Variants in NRK observed in about 807,000 individuals in gnomAD.
NRK encodes the protein nik-related protein kinase.
In NRK, 67 loss-of-function variants were observed where a neutral mutation model predicts 125.2. The observed-to-expected ratio is 0.54, with a 90% CI of 0.44 to 0.66. NRK has a LOEUF of 0.66. NRK is among the 30% of genes least tolerant of loss of function. The pLI is 0.00. For missense variants in NRK, 1,224 were observed against 1,192.9 expected, an observed-to-expected ratio of 1.03 and a Z score of -0.38; for synonymous variants, 458 against 429.0, an observed-to-expected ratio of 1.07 and a Z score of -0.84.
chrX:105,938,424 G>C (rs1341014787), intron 22 of NRK, among the ~76,000 whole-genome samples: 2 of 111,816 alleles, frequency 1.8e-5, no homozygotes, highest in East Asian at 5.6e-4. Flanking sequence ...TTTGGTTAGA[G>C]GAGAAATCCC....
intron 4 of NRK, among the ~76,000 whole-genome samples, chrX:105,885,038 G>T (rs1227767572): frequency 8.9e-6 from 1 of 111,924 alleles, no homozygotes; most frequent in African/African-American, 3.2e-5. Flanking sequence ...TGATCCACCT[G>T]CCTTAGCCTC....
chrX:105,872,768 A>G (rs2039763804), intron 2 of NRK, among the ~76,000 whole-genome samples: 1 of 111,703 alleles, frequency 9.0e-6, no homozygotes, highest in African/African-American at 3.2e-5. Flanking sequence ...TTGCTTAGAG[A>G]CATTGATAAG....
intron 28 of NRK, among the ~76,000 whole-genome samples, chrX:105,954,512 A>C (rs1286650389): frequency 9.1e-6 from 1 of 110,257 alleles, no homozygotes; most frequent in African/African-American, 3.3e-5. Context: ...AATAATATTA[A>C]ATATTTTTAA....
intron 22 of NRK, among the ~76,000 whole-genome samples, chrX:105,939,012 A>T (rs762873288): frequency 0.01 from 1,134 of 111,529 alleles, 20 homozygotes; most frequent in African/African-American, 0.035. Context: ...GCATGAAAGT[A>T]ACTGCCCCAT....
chrX:105,908,915 CA>C lies in NRK; in HGVS notation c.1275del (p.Pro426LeufsTer4), dbSNP rs763132781. On this transcript the variant is annotated frameshift_variant, in exon 13 of 29. Coordinates refer to ENST00000243300, the MANE Select transcript of NRK (RefSeq NM_198465.4). LOFTEE classifies it high-confidence loss of function. ...ATGCCACTGCAGGCTCTGGACAGTG[CA>C]CCTAAGCCTCTAAAGGGGCAGGCTC... Reference protein sequence around the residue: ...VFMPLQALDSAPKPLKGQAQA... With the variant: ...VFMPLQALDSXPKPLKGQAQA... The C allele has an allele frequency of 3.3e-6, 4 of 1,208,729 alleles. No homozygotes were observed.
At chrX:105,827,651 CT>C (rs1357046375) in intron 1 of NRK, among the ~76,000 whole-genome samples, 1 of 112,009 alleles carries the variant, frequency 8.9e-6, no homozygotes, top group Non-Finnish European at 1.9e-5. Flanking sequence ...CAGACTAGGA[CT>C]TTTAAACTGC....
chrX:105,944,030 A>G lies in NRK; in HGVS notation c.4048A>G (p.Thr1350Ala), dbSNP rs749548550. Residue 1350 changes from threonine to alanine, a missense_variant, in exon 24 of 29, where the codon ACT becomes GCT. Coordinates refer to ENST00000243300, the MANE Select transcript of NRK (RefSeq NM_198465.4). ...AWAPKSFDES[T>A]AIKVCIDQSA... ...GGCACCAAAGTCCTTTGATGAAAGC[A>G]CTGCTATTAAAGTGAGTGAGCTCCT... 2 of 1,100,566 alleles carry G rather than the reference A, an allele frequency of 1.8e-6. No individual in the cohort carries two copies. Among genetic ancestry groups the G allele is most frequent in the South Asian group, 4.0e-5 (2 of 50,298 alleles). The allele number at this position is 1,100,566 out of a possible 1,213,427, so 90.7% of individuals were successfully genotyped here. A position where few individuals can be genotyped will look rare whatever the true frequency, so the allele number is the denominator to read the frequency against.
chrX:105,892,034 CAGTT>C (rs746391867), intron 5 of NRK, among the ~76,000 whole-genome samples: 1 of 111,490 alleles, frequency 9.0e-6, no homozygotes, highest in Non-Finnish European at 1.9e-5. Flanking sequence ...TATTAGTACT[CAGTT>C]CATTCAGGCA....
intron 21 of NRK, among the ~76,000 whole-genome samples, chrX:105,935,612 T>C (rs747027202): frequency 9.3e-6 from 1 of 108,102 alleles, no homozygotes. Flanking sequence ...GACAACATAG[T>C]GAAACTTTGT....
chrX:105,943,467 A>G (rs1336434710), intron 23 of NRK, among the ~76,000 whole-genome samples: 1 of 111,756 alleles, frequency 8.9e-6, no homozygotes, highest in African/African-American at 3.3e-5. Context: ...GAGTTCTCCA[A>G]CTTAGATTTT....
intron 7 of NRK, among the ~76,000 whole-genome samples, chrX:105,896,778 G>A (rs2040089402): frequency 8.9e-6 from 1 of 111,732 alleles, no homozygotes; most frequent in African/African-American, 3.3e-5. Flanking sequence ...AGGATGTTGA[G>A]GTTGCAGTAA....
chrX:105,900,073 C>G (rs2040136742), intron 8 of NRK, among the ~76,000 whole-genome samples: 1 of 108,226 alleles, frequency 9.2e-6, no homozygotes, highest in South Asian at 4.3e-4. Context: ...AAAAAAAGTA[C>G]TAAACAGTTG....
Position 105,937,593 on chromosome X carries a change from G to C in NRK, c.3799+11G>C. On this transcript the variant is annotated intron_variant, in intron 22 of 28. Coordinates refer to ENST00000243300, the MANE Select transcript of NRK (RefSeq NM_198465.4). ...TGATTACCATCTCAGGTTTGTTTAA[G>C]AACTAAAATTAGCTGAGTAATTATG... 1.7e-6 allele frequency: 2 copies of C among 1,166,913 alleles called. No individual in the cohort carries two copies. The highest frequency in any genetic ancestry group is 2.3e-6 in the Non-Finnish European group (2 of 862,754).
At chrX:105,952,538 G>T (rs1023389122) in intron 27 of NRK, among the ~76,000 whole-genome samples, 2 of 112,080 alleles carry the variant, frequency 1.8e-5, no homozygotes, top group African/African-American at 6.5e-5. Flanking sequence ...ATAATTTATT[G>T]AATTGCATTA....
chrX:105,948,803 T>C (rs1293647038), intron 26 of NRK: 1 of 431,414 alleles, frequency 2.3e-6, no homozygotes, highest in Non-Finnish European at 4.0e-6. Flanking sequence ...ATGTGCTAGT[T>C]TGAAGAAACC....
In NRK at chrX:105,822,638, C is replaced by T. The variant is rs937933587; in HGVS notation, c.-208C>T. On this transcript the variant is annotated 5_prime_UTR_variant, in exon 1 of 29. Coordinates refer to ENST00000243300, the MANE Select transcript of NRK (RefSeq NM_198465.4). ...GCCTTAGCCCAACTTGCTTTCCCGCCTCGCAAACTCCGGTTTCCCTCCACT... is the reference window on the plus strand; with the variant it reads ...GCCTTAGCCCAACTTGCTTTCCCGCTTCGCAAACTCCGGTTTCCCTCCACT... 4.3e-6 allele frequency: 2 copies of T among 461,431 alleles called. No homozygotes were observed. Among genetic ancestry groups the T allele is most frequent in the Admixed American group, 3.2e-5 (1 of 31,250 alleles). 38.0% of individuals were successfully genotyped at this position (461,431 alleles called of 1,213,427 possible).
At chrX:105,863,058 A>G (rs779012046) in intron 2 of NRK, among the ~76,000 whole-genome samples, 1 of 111,779 alleles carries the variant, frequency 8.9e-6, no homozygotes, top group African/African-American at 3.2e-5. Flanking sequence ...AAGGAATAAT[A>G]CTTAAGCTGT....
chrX:105,951,169 A>T (rs1335102769), intron 27 of NRK, among the ~76,000 whole-genome samples: 1 of 111,409 alleles, frequency 9.0e-6, no homozygotes, highest in Non-Finnish European at 1.9e-5. Context: ...AAAAGAAAGT[A>T]AAAATAATGA....
intron 19 of NRK, among the ~76,000 whole-genome samples, chrX:105,927,585 C>G (rs1202338015): frequency 1.8e-5 from 2 of 111,431 alleles, no homozygotes; most frequent in Non-Finnish European, 3.8e-5. Flanking sequence ...TTCAGCTTCT[C>G]TCATTCAGTG....
Sources: gnomAD v4.1 joint callset for allele counts (sites outside exome capture counted in the v4.1 genomes callset) on GRCh38, gnomAD v4.1.1 for gene constraint, MANE v1.5 for transcripts, NCBI Gene and HGNC (gene_info 2026-07-23, HGNC 2026-07-21) for gene names.